DMD: variants seen among roughly 807,000 people sequenced by gnomAD.
DMD encodes mutant dystrophin.
Under a neutral mutation model 330.1 loss-of-function variants are expected in DMD, and 63 were observed. That is an observed-to-expected ratio of 0.19 (90% confidence interval 0.16 to 0.24). The LOEUF (loss-of-function observed/expected upper bound fraction) is 0.24. DMD is among the 10% of genes least tolerant of loss of function. DMD has a pLI of 1.00. For synonymous variants in DMD, 1,223 were observed against 959.8 expected, an observed-to-expected ratio of 1.27 and a Z score of -5.07; for missense variants, 3,344 against 2,684.1, an observed-to-expected ratio of 1.25 and a Z score of -5.43.
intron 60 of DMD, among the ~76,000 whole-genome samples, chrX:31,400,698 TAG>T (rs35501154): frequency 0.097 from 10,762 of 111,505 alleles, 431 homozygotes; most frequent in Admixed American, 0.14. Context: ...AGCAGTTATT[TAG>T]AGTGTATACC....
Position 32,038,666 on chromosome X carries a change from CT to C in DMD, c.6439-70153del, listed in dbSNP as rs1365125421. 2.0e-3 allele frequency among the ~76,000 whole-genome samples: 208 copies of C among 103,316 alleles called. 1 individual carries two copies. The highest frequency in any genetic ancestry group is 5.5e-3 in the African/African-American group (157 of 28,652). The allele number at this position is 103,316 out of a possible 115,157, so 89.7% of individuals were successfully genotyped here. ...TTTCAATCTAGAATCACACACTATA[CT>C]TTTTTTTTTTTCAATTTTGCATGAC... is the stretch of plus-strand genomic sequence containing the variant. On this transcript the variant is annotated intron_variant, in intron 44 of 78. Transcript: ENST00000357033.
chrX:32,351,606 G>T (rs905215492), intron 37 of DMD, among the ~76,000 whole-genome samples: 1 of 109,006 alleles, frequency 9.2e-6, no homozygotes, highest in African/African-American at 3.3e-5. Context: ...TCAACCTACA[G>T]TCATTTCTGG....
At chrX:32,145,910 T>C (rs778658940) in intron 44 of DMD, among the ~76,000 whole-genome samples, 3 of 112,162 alleles carry the variant, frequency 2.7e-5, no homozygotes, top group East Asian at 5.6e-4. Flanking sequence ...GAGCAAGACG[T>C]CAAGATATTT....
chrX:32,269,636 C>T (rs190703291), intron 43 of DMD, among the ~76,000 whole-genome samples: 46 of 111,280 alleles, frequency 4.1e-4, no homozygotes, highest in African/African-American at 1.5e-3. Context: ...TTACTCATTC[C>T]GGCTCACCAT....
At chrX:31,666,985 T>C in intron 53 of DMD, among the ~76,000 whole-genome samples, 1 of 112,403 alleles carries the variant, frequency 8.9e-6, no homozygotes, top group Non-Finnish European at 1.9e-5. Flanking sequence ...TAACATACCA[T>C]AAAATTCTCC....
chrX:31,414,840 T>C (rs141068202), intron 60 of DMD, among the ~76,000 whole-genome samples: 1,599 of 112,169 alleles, frequency 0.014, 25 homozygotes, highest in African/African-American at 0.049. Context: ...ACAAACTGTC[T>C]CAAGATTCCT....
intron 39 of DMD, 91 bp from the exon 40 acceptor site, chrX:32,343,377 C>A: frequency 2.4e-6 from 2 of 837,887 alleles, no homozygotes; most frequent in South Asian, 4.7e-5. Flanking sequence ...TTGCGTCCCT[C>A]ATCTTTTTGT....
intron 43 of DMD, among the ~76,000 whole-genome samples, chrX:32,245,280 G>A (rs1264886478): frequency 9.1e-5 from 6 of 66,127 alleles, no homozygotes; most frequent in Non-Finnish European, 1.3e-4. Flanking sequence ...GTAGGTATGT[G>A]GCGTTATTTC....
At chrX:33,129,588 C>G (rs1603334415) in intron 1 of DMD, among the ~76,000 whole-genome samples, 2 of 107,770 alleles carry the variant, frequency 1.9e-5, no homozygotes, top group African/African-American at 6.8e-5. Context: ...AAGCATGGAC[C>G]GTGCTGGCAG....
In DMD at chrX:32,339,096, C is replaced by T. The variant is rs371541943; in HGVS notation, c.5922+3004G>A. 2.1e-4 allele frequency among the ~76,000 whole-genome samples: 23 copies of T among 111,642 alleles called. No homozygotes were observed. The East Asian group carries it at 5.9e-3, about 29-fold the overall frequency. Reference sequence around the variant, plus strand: ...ACTTTCATGCATTGAGCCTGCATAACGCAGCAGGTGTTTGACAAATATTAC... The same window carrying T: ...ACTTTCATGCATTGAGCCTGCATAATGCAGCAGGTGTTTGACAAATATTAC... On this transcript the variant is annotated intron_variant, in intron 41 of 78. Transcript: ENST00000357033.
chrX:31,951,692 T>G lies in DMD; in HGVS notation c.6614+16647A>C, dbSNP rs1364004869. The stretch of plus-strand genomic sequence containing the variant: ...TGCTTATAAACACAATAACACAATG[T>G]TATAATTTTTATGCAATCTTAGGTC... On this transcript the variant is annotated intron_variant, in intron 45 of 78. Transcript: ENST00000357033. Among the ~76,000 whole-genome samples the G allele has an allele frequency of 3.6e-5, 4 of 111,251 alleles. No individual in the cohort carries two copies. The East Asian group carries it at 1.1e-3, about 31-fold the overall frequency.
At chrX:31,994,452 TA>T (rs2095571454) in intron 44 of DMD, among the ~76,000 whole-genome samples, 1 of 112,027 alleles carries the variant, frequency 8.9e-6, no homozygotes, top group Admixed American at 9.5e-5. Context: ...TGAAACCCTC[TA>T]ACACCAATGA....
At chrX:31,851,871 A>G in intron 48 of DMD, among the ~76,000 whole-genome samples, 1 of 111,642 alleles carries the variant, frequency 9.0e-6, no homozygotes, top group African/African-American at 3.3e-5. Flanking sequence ...AGCCTCACTG[A>G]GTAGGTGGTA....
intron 44 of DMD, among the ~76,000 whole-genome samples, chrX:32,086,446 G>C (rs2096439525): frequency 9.0e-6 from 1 of 111,470 alleles, no homozygotes; most frequent in South Asian, 3.8e-4. Flanking sequence ...GGATTGTATG[G>C]CCTGTCTGGT....
chrX:31,677,122 C>T lies in DMD; in HGVS notation c.7872+2253G>A, dbSNP rs746831950. ...AAAGGATAGCAATTATAATACAATT[C>T]TGGTTTTATTTTAGGTGATTAAAAC... On this transcript the variant is annotated intron_variant, in intron 53 of 78. Coordinates refer to ENST00000357033, the MANE Select transcript of DMD (RefSeq NM_004006.3). 2.4e-4 allele frequency among the ~76,000 whole-genome samples: 26 copies of T among 109,734 alleles called. No homozygotes were observed. The South Asian group carries it at 9.3e-3, about 39-fold the overall frequency.
chrX:32,834,886 T>A (rs1437027354), intron 4 of DMD, among the ~76,000 whole-genome samples: 1 of 111,288 alleles, frequency 9.0e-6, no homozygotes, highest in Non-Finnish European at 1.9e-5. Context: ...TCGGAATTCA[T>A]AAAATGTAAG....
chrX:32,441,434 T>A, intron 27 of DMD, 120 bp from the exon 28 acceptor site: 4 of 690,451 alleles, frequency 5.8e-6, no homozygotes, highest in Non-Finnish European at 2.2e-6. Flanking sequence ...ACCTTTACTT[T>A]GTAGCAGGTA....
In DMD at chrX:33,076,653, C is replaced by T. The variant is rs761136673; in HGVS notation, c.32-56453G>A. Among the ~76,000 whole-genome samples the T allele has an allele frequency of 3.1e-4, 35 of 111,867 alleles. 1 individual carries two copies. The highest frequency in any genetic ancestry group is 4.6e-3 in the Middle Eastern group (1 of 218). The stretch of plus-strand genomic sequence containing the variant: ...CGTTTATATAGCACTTTAATAAATA[C>T]TATTTACTAGAAGCTAAGGCTTTTG... On this transcript the variant is annotated intron_variant, in intron 1 of 78. Coordinates refer to ENST00000357033, the MANE Select transcript of DMD (RefSeq NM_004006.3).
chrX:31,986,754 G>A (rs1280237082), intron 44 of DMD, among the ~76,000 whole-genome samples: 1 of 112,050 alleles, frequency 8.9e-6, no homozygotes, highest in Admixed American at 9.4e-5. Flanking sequence ...TTTCTACACT[G>A]AGCTTTAAAA....
Sources: allele counts gnomAD v4.1 joint callset (sites outside exome capture counted in the v4.1 genomes callset), GRCh38; gene constraint gnomAD v4.1.1; transcripts MANE v1.5; gene names NCBI Gene and HGNC (gene_info 2026-07-23, HGNC 2026-07-21).